Variants in EPHX2 observed in about 807,000 individuals in gnomAD.
EPHX2 encodes the protein bifunctional epoxide hydrolase 2.
In EPHX2, 74 loss-of-function variants were observed where a neutral mutation model predicts 78.7. The observed-to-expected ratio is 0.94, with a 90% confidence interval of 0.78 to 1.14. The LOEUF (loss-of-function observed/expected upper bound fraction) is 1.14. EPHX2 is among the 50% of genes most tolerant of loss of function. EPHX2 has a pLI of 0.00. For synonymous variants in EPHX2, 251 were observed against 255.2 expected (o/e 0.98, Z 0.16); for missense variants, 715 against 702.5 (o/e 1.02, Z -0.20).
chr8:27,543,779 G>T lies in EPHX2; in HGVS notation c.1480G>T (p.Glu494Ter), dbSNP rs771975589. Residue 494 changes from glutamate (E) to a stop codon, truncating the protein, a stop_gained, in exon 17 of 19, where the codon GAG (glutamate) becomes TAG (stop). Transcript: ENST00000521400. LOFTEE classifies it high-confidence loss of function. ...ILIPALMVTA[E>*]KDFVLVPQMS... ...GATTCCGGCCCTGATGGTCACGGCGGAGAAGGACTTCGTGCTCGTTCCTCA... is the reference window on the plus strand; with the variant it reads ...GATTCCGGCCCTGATGGTCACGGCGTAGAAGGACTTCGTGCTCGTTCCTCA... 109 of 1,613,974 alleles carry T rather than the reference G, an allele frequency of 6.8e-5. No individual in the cohort carries two copies. The highest frequency in any genetic ancestry group is 1.6e-4 in the Middle Eastern group (1 of 6,084).
At chr8:27,519,339 G>C (rs918171265) in intron 9 of EPHX2, among the ~76,000 whole-genome samples, 2 of 152,164 alleles carry the variant, frequency 1.3e-5, no homozygotes, top group Non-Finnish European at 2.9e-5. Context: ...CTCAAAAGAC[G>C]ATGCTTAGCA....
At chr8:27,530,982 C>G (rs1206709854) in intron 12 of EPHX2, among the ~76,000 whole-genome samples, 1 of 152,104 alleles carries the variant, frequency 6.6e-6, no homozygotes, top group Non-Finnish European at 1.5e-5. Flanking sequence ...AGGCTGGTCT[C>G]GAACTCCCAC....
intron 16 of EPHX2, 73 bp downstream of exon 16, chr8:27,541,615 T>C: frequency 6.6e-7 from 1 of 1,512,672 alleles, no homozygotes; most frequent in Non-Finnish European, 9.2e-7. Context: ...TGGCCTGAGC[T>C]GATATGACCT....
At chr8:27,518,436 G>T (rs1324470558) in intron 9 of EPHX2, among the ~76,000 whole-genome samples, 1 of 152,234 alleles carries the variant, frequency 6.6e-6, no homozygotes, top group East Asian at 1.9e-4. Context: ...TTGTTGGCCA[G>T]ACCTAGGCCA....
In EPHX2 at chr8:27,541,656, G is replaced by A. The variant is rs72477599; in HGVS notation, c.1449+114G>A. On this transcript the variant is annotated intron_variant, in intron 16 of 18. Transcript: ENST00000521400. ...AGAGCTGGTTGTGGACAGATCTGCT[G>A]GCCACCTCCTTTCCCTTTGGGGTTT... is the stretch of plus-strand genomic sequence containing the variant. 3.4e-3 allele frequency: 3,655 copies of A among 1,075,532 alleles called. 78 individuals are homozygous for A. The African/African-American group carries it at 0.051, about 15-fold the overall frequency. The allele number at this position is 1,075,532 out of a possible 1,614,324, so 66.6% of individuals were successfully genotyped here. A position where few individuals can be genotyped will look rare whatever the true frequency, so the allele number is the denominator to read the frequency against.
At chr8:27,535,768 G>A (rs1038633040) in intron 12 of EPHX2, among the ~76,000 whole-genome samples, 2 of 152,058 alleles carry the variant, frequency 1.3e-5, no homozygotes, top group African/African-American at 4.8e-5. Context: ...GAAGGAGAGG[G>A]GAAGCAGGAG....
rs139234214 is a variant in EPHX2, at chr8:27,500,978, C to A, written c.154C>A (p.Arg52=). 2 of 1,613,214 alleles carry A rather than the reference C, an allele frequency of 1.2e-6. No homozygotes were observed. The highest frequency in any genetic ancestry group is 1.1e-5 in the South Asian group (1 of 90,906). ...AGGGGGACCAGAGGGTGCCACTACC[C>A]GGCTTATGAAAGGAGAGATCACACT... ...QKGGPEGATT[R]LMKGEITLSQ... Residue 52 remains arginine, a synonymous_variant, in exon 2 of 19, where the codon CGG becomes AGG. Coordinates refer to ENST00000521400, the MANE Select transcript of EPHX2 (RefSeq NM_001979.6).
intron 1 of EPHX2, among the ~76,000 whole-genome samples, chr8:27,493,591 A>G (rs560460556): frequency 2.9e-4 from 44 of 152,270 alleles, no homozygotes; most frequent in Admixed American, 5.2e-4. Context: ...TATTAGTTGT[A>G]TGGTCCTGGG....
chr8:27,519,717 G>C (rs949384492), intron 9 of EPHX2, among the ~76,000 whole-genome samples: 1 of 152,202 alleles, frequency 6.6e-6, no homozygotes, highest in Non-Finnish European at 1.5e-5. Context: ...AACAATAGAC[G>C]TTTGTTTTCT....
chr8:27,529,079 C>T (rs1199800088), intron 12 of EPHX2, among the ~76,000 whole-genome samples: 2 of 152,206 alleles, frequency 1.3e-5, no homozygotes, highest in African/African-American at 4.8e-5. Context: ...AGCCACTGCG[C>T]CCAGCCCCAT....
At position 27,525,490 on chromosome 8, in the gene EPHX2, G is replaced by C. The variant is rs376617770; in HGVS notation, c.1170+17G>C. ...CAAGAACCAGTAAGTATGGCACCAA[G>C]GGCAACAATGGGAGCATTAGTGTTT... On this transcript the variant is annotated intron_variant, in intron 12 of 18. Transcript: ENST00000521400. 5.1e-6 allele frequency: 8 copies of C among 1,583,250 alleles called. No individual in the cohort carries two copies. Among genetic ancestry groups the C allele is most frequent in the Non-Finnish European group, 6.9e-6 (8 of 1,151,976 alleles).
At chr8:27,518,702 C>T (rs1055447869) in intron 9 of EPHX2, among the ~76,000 whole-genome samples, 2 of 152,264 alleles carry the variant, frequency 1.3e-5, no homozygotes, top group Non-Finnish European at 2.9e-5. Flanking sequence ...GCCTCCATCT[C>T]TGAGTCACAG....
At chr8:27,546,508 G>A (rs1468284839), downstream of EPHX2, among the ~76,000 whole-genome samples, 2 of 152,176 alleles carry the variant, frequency 1.3e-5, no homozygotes, top group Non-Finnish European at 2.9e-5. Flanking sequence ...GAGGACTGGG[G>A]GAAAGGCTTA....
intron 12 of EPHX2, among the ~76,000 whole-genome samples, chr8:27,529,928 T>C (rs1325888062): frequency 6.6e-6 from 1 of 151,828 alleles, no homozygotes; most frequent in African/African-American, 2.4e-5. Context: ...AGCCCTTTTA[T>C]TTAAGTATTT....
intron 5 of EPHX2, among the ~76,000 whole-genome samples, chr8:27,507,924 A>T (rs1814076887): frequency 1.3e-5 from 2 of 152,090 alleles, no homozygotes; most frequent in Admixed American, 1.3e-4. Flanking sequence ...GTCAGATTGC[A>T]CTAGGTCCCA....
At chr8:27,520,792 A>T in intron 9 of EPHX2, 91 bp from the exon 10 acceptor site, 1 of 1,484,994 alleles carries the variant, frequency 6.7e-7, no homozygotes, top group Non-Finnish European at 9.4e-7. Flanking sequence ...TCAACACAGC[A>T]GTTTTGGGGA....
At chr8:27,520,832 A>G in intron 9 of EPHX2, 51 bp from the exon 10 acceptor site, 4 of 1,613,238 alleles carry the variant, frequency 2.5e-6, no homozygotes, top group Non-Finnish European at 3.4e-6. Flanking sequence ...ATAAAGGCTG[A>G]GGCAGGCGGG....
Position 27,507,012 on chromosome 8 carries a change from C to T in EPHX2, c.660+18C>T, listed in dbSNP as rs113014907. The T allele has an allele frequency of 5.6e-5, 90 of 1,612,296 alleles. No individual in the cohort carries two copies. The highest frequency in any genetic ancestry group is 4.3e-4 in the African/African-American group (32 of 74,796). Reference sequence around the variant, plus strand: ...GAATCCAGGTAACTTGACTTCTGAGCGAGCCAAGCTTCCTGGACTCATCTG... The same window carrying T: ...GAATCCAGGTAACTTGACTTCTGAGTGAGCCAAGCTTCCTGGACTCATCTG... On this transcript the variant is annotated intron_variant, in intron 5 of 18. Transcript: ENST00000521400.
In EPHX2 at chr8:27,506,957, C is replaced by T. The variant is rs1347152892; in HGVS notation, c.623C>T (p.Thr208Met). 6.2e-6 allele frequency: 10 copies of T among 1,614,054 alleles called. No individual in the cohort carries two copies. The highest frequency in any genetic ancestry group is 2.2e-5 in the East Asian group (1 of 44,876). ...MVTILVQDTD[T>M]ALKELEKVTG... ...ACCATCCTGGTCCAGGACACTGACACGGCCCTGAAAGAACTGGAGAAAGTG... is the reference window on the plus strand; with the variant it reads ...ACCATCCTGGTCCAGGACACTGACATGGCCCTGAAAGAACTGGAGAAAGTG... Residue 208 changes from threonine (T) to methionine (M), a missense_variant, in exon 5 of 19, where the codon ACG (threonine) becomes ATG (methionine). By Grantham distance (81) the Thr-to-Met change is moderately conservative. Coordinates refer to ENST00000521400, the MANE Select transcript of EPHX2 (RefSeq NM_001979.6).
Sources: gnomAD v4.1 joint callset for allele counts (sites outside exome capture counted in the v4.1 genomes callset) on GRCh38, gnomAD v4.1.1 for gene constraint, MANE v1.5 for transcripts, NCBI Gene and HGNC (gene_info 2026-07-23, HGNC 2026-07-21) for gene names.